KCNIP4: variants seen among roughly 807,000 people sequenced by gnomAD.
KCNIP4 encodes potassium voltage-gated channel interacting protein 4.
Under a neutral mutation model 34.0 loss-of-function variants are expected in KCNIP4, and 12 were observed. The observed-to-expected ratio is 0.35, with a 90% CI of 0.23 to 0.57. The LOEUF (loss-of-function observed/expected upper bound fraction) is 0.57, where lower values mean the gene tolerates loss of function less well. Among genes scored for constraint, KCNIP4 ranks in the 20% least tolerant of loss-of-function variants. The probability of loss-of-function intolerance (pLI) is 0.83; values close to 1 mark genes in which losing one functional copy is unlikely to be tolerated. For synonymous variants in KCNIP4, 124 were observed against 102.2 expected (o/e 1.21, Z -1.29); for missense variants, 238 against 311.7 (o/e 0.76, Z 1.78).
chr4:21,287,130 T>C (rs1763169543), intron 1 of KCNIP4, among the ~76,000 whole-genome samples: 1 of 152,202 alleles, frequency 6.6e-6, no homozygotes, highest in African/African-American at 2.4e-5. Flanking sequence ...ACTGAAAATA[T>C]TTTAGATACT....
chr4:20,866,776 G>T (rs1246077890), intron 2 of KCNIP4, among the ~76,000 whole-genome samples: 4 of 151,864 alleles, frequency 2.6e-5, no homozygotes. Context: ...TCCTTTCAAA[G>T]GGTGACTAGA....
intron 1 of KCNIP4, among the ~76,000 whole-genome samples, chr4:21,707,932 TACACACAC>T (rs3050896): frequency 0.024 from 3,443 of 146,478 alleles, 124 homozygotes; most frequent in African/African-American, 0.067. Context: ...AACACACACA[TACACACAC>T]ACACACACAC....
chr4:21,396,549 C>CAAAAAAAAAAAAAAA lies in KCNIP4; in HGVS notation c.62-513855_62-513841dup, dbSNP rs555585102. 1.9e-3 allele frequency among the ~76,000 whole-genome samples: 101 copies of CAAAAAAAAAAAAAAA among 52,776 alleles called. 11 individuals carry two copies. Among genetic ancestry groups the CAAAAAAAAAAAAAAA allele is most frequent in the Non-Finnish European group, 2.2e-3 (57 of 25,558 alleles). The allele number at this position is 52,776 out of a possible 152,430, so 34.6% of individuals were successfully genotyped here. On this transcript the variant is annotated intron_variant, in intron 1 of 8. Transcript: ENST00000382152. Reference sequence around the variant, plus strand: ...CCAGCCTGGTGACAGAGCAAGACTCCAAAAAAAAAAAAAAAAAAAGAGGAT... The same window carrying CAAAAAAAAAAAAAAA: ...CCAGCCTGGTGACAGAGCAAGACTCCAAAAAAAAAAAAAAAAAAAAAAAAAAAAAAAAAAGAGGAT...
At chr4:21,833,814 A>T (rs1421584378) in intron 1 of KCNIP4, among the ~76,000 whole-genome samples, 2 of 152,196 alleles carry the variant, frequency 1.3e-5, no homozygotes, top group African/African-American at 4.8e-5. Flanking sequence ...ACATATGGCT[A>T]GCCAGTTTTC....
intron 1 of KCNIP4, among the ~76,000 whole-genome samples, chr4:21,635,954 C>T (rs1252478859): frequency 6.6e-6 from 1 of 151,738 alleles, no homozygotes; most frequent in African/African-American, 2.4e-5. Flanking sequence ...GAATACTATG[C>T]AGCCATAAAA....
rs550024548 is a variant in KCNIP4 at position 21,884,173 on chromosome 4, C to T, written c.61+64398G>A. ...TAATAAGCCCAACAACAATAACATACATTTGTTTCAAAGTATAAGTACTTC... is the reference window on the plus strand; with the variant it reads ...TAATAAGCCCAACAACAATAACATATATTTGTTTCAAAGTATAAGTACTTC... On this transcript the variant is annotated intron_variant, in intron 1 of 8. Transcript: ENST00000382152. Among the ~76,000 whole-genome samples the T allele has an allele frequency of 1.4e-3, 215 of 152,170 alleles. 3 individuals are homozygous for T. Among genetic ancestry groups the T allele is most frequent in the African/African-American group, 4.8e-3 (201 of 41,534 alleles).
At chr4:21,794,870 C>G (rs935475553) in intron 1 of KCNIP4, among the ~76,000 whole-genome samples, 1 of 152,122 alleles carries the variant, frequency 6.6e-6, no homozygotes, top group Non-Finnish European at 1.5e-5. Context: ...CAGAGGGAGA[C>G]TGTCTCAAGA....
intron 1 of KCNIP4, among the ~76,000 whole-genome samples, chr4:21,701,808 A>T (rs1025880267): frequency 3.3e-5 from 5 of 151,882 alleles, no homozygotes; most frequent in African/African-American, 1.2e-4. Context: ...GGTTCAAGTG[A>T]TTCTCCTGCC....
intron 1 of KCNIP4, among the ~76,000 whole-genome samples, chr4:21,458,738 G>A (rs1247367376): frequency 1.3e-5 from 2 of 151,902 alleles, no homozygotes; most frequent in African/African-American, 2.4e-5. Context: ...ACTGATTCTT[G>A]TTGTTTCTCA....
At chr4:21,823,797 T>G (rs1722510923) in intron 1 of KCNIP4, among the ~76,000 whole-genome samples, 1 of 152,186 alleles carries the variant, frequency 6.6e-6, no homozygotes, top group African/African-American at 2.4e-5. Context: ...ACATGACTTT[T>G]ATGAATCCCT....
intron 1 of KCNIP4, among the ~76,000 whole-genome samples, chr4:21,168,415 TG>T (rs920143084): frequency 1.2e-4 from 18 of 152,178 alleles, no homozygotes; most frequent in African/African-American, 4.3e-4. Context: ...GAGTCTTTAG[TG>T]CACCAAAAAG....
rs183661899 is a variant in KCNIP4, at chr4:21,942,880, T to C, written c.61+5691A>G. Among the ~76,000 whole-genome samples the C allele has an allele frequency of 4.7e-3, 720 of 152,266 alleles. 4 individuals carry two copies. Among genetic ancestry groups the C allele is most frequent in the African/African-American group, 0.016 (677 of 41,568 alleles). ...TCAAGCGATTCTCCCTGCCTCAGCC[T>C]CCCAAGTAGCTGGGATTACAGGTGT... On this transcript the variant is annotated intron_variant, in intron 1 of 8. Transcript: ENST00000382152.
intron 1 of KCNIP4, among the ~76,000 whole-genome samples, chr4:21,745,878 C>T (rs750317945): frequency 1.3e-5 from 2 of 151,814 alleles, no homozygotes; most frequent in African/African-American, 4.8e-5. Context: ...GCCATAAGAC[C>T]CTAATAAATA....
intron 1 of KCNIP4, among the ~76,000 whole-genome samples, chr4:21,878,171 A>G (rs79051628): frequency 1.3e-5 from 2 of 151,966 alleles, no homozygotes; most frequent in Non-Finnish European, 2.9e-5. Context: ...CACCTTTCAG[A>G]TGCAAGTCAT....
chr4:21,008,274 C>G (rs1308447708), intron 1 of KCNIP4, among the ~76,000 whole-genome samples: 1 of 152,164 alleles, frequency 6.6e-6, no homozygotes, highest in Non-Finnish European at 1.5e-5. Flanking sequence ...CCCATTCTGT[C>G]TTTTAAACAC....
At chr4:21,501,303 G>A (rs1475176818) in intron 1 of KCNIP4, among the ~76,000 whole-genome samples, 3 of 149,872 alleles carry the variant, frequency 2.0e-5, no homozygotes, top group Non-Finnish European at 4.4e-5. Flanking sequence ...GCAAATCACA[G>A]TTCAAGGAAT....
At chr4:21,651,431 A>G (rs1747471413) in intron 1 of KCNIP4, among the ~76,000 whole-genome samples, 1 of 152,208 alleles carries the variant, frequency 6.6e-6, no homozygotes, top group African/African-American at 2.4e-5. Flanking sequence ...TGTCCAAGAA[A>G]TGGCATTGTT....
intron 1 of KCNIP4, among the ~76,000 whole-genome samples, chr4:21,921,808 T>C (rs554926542): frequency 2.7e-4 from 41 of 152,318 alleles, no homozygotes; most frequent in Admixed American, 8.5e-4. Flanking sequence ...ATCCTCCTGC[T>C]TCTTTTCTCC....
chr4:21,604,217 G>C (rs1010714685), intron 1 of KCNIP4, among the ~76,000 whole-genome samples: 1 of 152,134 alleles, frequency 6.6e-6, no homozygotes, highest in Non-Finnish European at 1.5e-5. Context: ...CAATGCAGAT[G>C]TGGAGTCATT....
Sources: gnomAD v4.1 joint callset for allele counts (sites outside exome capture counted in the v4.1 genomes callset) on GRCh38, gnomAD v4.1.1 for gene constraint, MANE v1.5 for transcripts, NCBI Gene and HGNC (gene_info 2026-07-23, HGNC 2026-07-21) for gene names.